EXOC6: variants seen among roughly 807,000 people sequenced by gnomAD.
The protein encoded by EXOC6 is SEC15-like 1.
A neutral mutation model predicts 112.5 loss-of-function variants in EXOC6; 60 were observed. That is an observed-to-expected ratio of 0.53 (90% CI 0.43 to 0.66). The LOEUF (loss-of-function observed/expected upper bound fraction) is 0.66, where lower values mean the gene tolerates loss of function less well. Ranked by LOEUF, EXOC6 falls within the 30% of genes least tolerant of loss-of-function variation. The pLI is 0.00. For synonymous variants in EXOC6, 295 were observed against 308.0 expected (o/e 0.96, Z 0.44); for missense variants, 855 against 957.1 (o/e 0.89, Z 1.41).
upstream of EXOC6, among the ~76,000 whole-genome samples, chr10:92,843,644 C>T (rs1846940123): frequency 6.6e-6 from 1 of 151,668 alleles, no homozygotes; most frequent in Non-Finnish European, 1.5e-5. Context: ...GTCAAGAGAT[C>T]GAGACCATCC....
chr10:92,877,336 T>G (rs1589748135), intron 1 of EXOC6, among the ~76,000 whole-genome samples: 1 of 152,136 alleles, frequency 6.6e-6, no homozygotes, highest in Non-Finnish European at 1.5e-5. Context: ...CTTATGAGTC[T>G]AAGATTTGGA....
intron 20 of EXOC6, among the ~76,000 whole-genome samples, chr10:93,040,523 AG>A (rs1179980227): frequency 2.6e-5 from 4 of 152,248 alleles, no homozygotes; most frequent in African/African-American, 9.6e-5. Context: ...CTGGGATTAC[AG>A]GCGTGAGCCA....
intron 5 of EXOC6, among the ~76,000 whole-genome samples, chr10:92,903,228 AT>A (rs1350881425): frequency 6.6e-6 from 1 of 152,048 alleles, no homozygotes; most frequent in Admixed American, 6.6e-5. Context: ...TAATATAAGA[AT>A]TTCATTTGCT....
intron 20 of EXOC6, among the ~76,000 whole-genome samples, chr10:93,036,537 T>C: frequency 6.6e-6 from 1 of 152,260 alleles, no homozygotes; most frequent in East Asian, 1.9e-4. Context: ...TTTAGTTTTG[T>C]CTATCTATTA....
At chr10:92,915,061 A>C (rs1851004624) in intron 6 of EXOC6, among the ~76,000 whole-genome samples, 1 of 152,192 alleles carries the variant, frequency 6.6e-6, no homozygotes, top group East Asian at 1.9e-4. Flanking sequence ...AGTCTTCACA[A>C]ACTGTGGGCA....
intron 20 of EXOC6, among the ~76,000 whole-genome samples, chr10:93,022,558 C>T (rs1025314515): frequency 7.2e-5 from 11 of 152,136 alleles, no homozygotes; most frequent in African/African-American, 2.6e-4. Flanking sequence ...GCAACTAATT[C>T]CTTAGCTGCT....
chr10:92,924,817 TC>T (rs1851619067), intron 8 of EXOC6, among the ~76,000 whole-genome samples: 1 of 152,272 alleles, frequency 6.6e-6, no homozygotes, highest in South Asian at 2.1e-4. Context: ...GTGATTTTTT[TC>T]ATCCTTCACC....
chr10:92,949,727 G>C (rs146657161), intron 14 of EXOC6, among the ~76,000 whole-genome samples: 2 of 151,954 alleles, frequency 1.3e-5, no homozygotes, highest in African/African-American at 4.8e-5. Context: ...CAAGTAGCTG[G>C]GATTACAGGC....
At chr10:93,014,464 C>T (rs1242761037) in intron 20 of EXOC6, among the ~76,000 whole-genome samples, 197 bp downstream of exon 20, 1 of 152,156 alleles carries the variant, frequency 6.6e-6, no homozygotes, top group Non-Finnish European at 1.5e-5. Flanking sequence ...CTTCATAGAG[C>T]ATTCTCATCA....
At chr10:92,910,449 G>A (rs1332795362) in intron 6 of EXOC6, among the ~76,000 whole-genome samples, 2 of 152,122 alleles carry the variant, frequency 1.3e-5, no homozygotes, top group African/African-American at 2.4e-5. Context: ...CAGAACAGTG[G>A]TTACCTCTGG....
intron 2 of EXOC6, 140 bp downstream of exon 2, chr10:92,893,660 A>G: frequency 1.6e-6 from 1 of 640,424 alleles, no homozygotes; most frequent in South Asian, 2.7e-5. Context: ...AATGCTCTTT[A>G]TGCTCTATTA....
chr10:92,893,349 G>T lies in EXOC6; in HGVS notation c.102G>T (p.Arg34=), dbSNP rs762344356. The change falls in exon 2 of 22, where the codon CGG becomes CGT. Residue 34 remains arginine, a splice_region_variant and synonymous_variant. Transcript: ENST00000260762. ...TDTACVGPTL[R]SVYDDQPNAH... ...TTTTAGCTTTCTTATATACATTCAG[G>T]TCTGTGTATGATGACCAACCAAATG... 1.2e-6 allele frequency: 2 copies of T among 1,602,610 alleles called. No individual in the cohort carries two copies. The highest frequency in any genetic ancestry group is 1.7e-5 in the Admixed American group (1 of 58,348).
At chr10:92,950,622 T>G (rs1034640415) in intron 14 of EXOC6, among the ~76,000 whole-genome samples, 1 of 152,132 alleles carries the variant, frequency 6.6e-6, no homozygotes, top group African/African-American at 2.4e-5. Context: ...AAAGGCTGCA[T>G]AAAGGTCAAA....
At chr10:93,029,080 C>T (rs779997913) in intron 20 of EXOC6, among the ~76,000 whole-genome samples, 3 of 152,106 alleles carry the variant, frequency 2.0e-5, no homozygotes, top group Admixed American at 6.5e-5. Flanking sequence ...AATCACCACC[C>T]GAATGAGTCA....
At chr10:92,932,637 C>T (rs1374169301) in intron 9 of EXOC6, among the ~76,000 whole-genome samples, 2 of 151,390 alleles carry the variant, frequency 1.3e-5, no homozygotes, top group Non-Finnish European at 1.5e-5. Context: ...CAAAGAAGAG[C>T]AGAGTTGGCC....
At position 92,940,877 on chromosome 10, in the gene EXOC6, A is replaced by G. The variant is rs1196517025; in HGVS notation, c.1310+53A>G. The G allele has an allele frequency of 1.0e-5, 12 of 1,162,056 alleles. No individual in the cohort carries two copies. The African/African-American group carries it at 1.7e-4, about 16-fold the overall frequency. 72.0% of individuals were successfully genotyped at this position (1,162,056 alleles called of 1,614,324 possible). On this transcript the variant is annotated intron_variant, in intron 13 of 21. Transcript: ENST00000260762. Reference sequence around the variant, plus strand: ...TAATGAATATGTTTGTCAAATGCTCAAGTGGTTCATTTGCATATATTAATA... The same window carrying G: ...TAATGAATATGTTTGTCAAATGCTCGAGTGGTTCATTTGCATATATTAATA...
chr10:92,870,859 G>A (rs922565285), intron 1 of EXOC6, among the ~76,000 whole-genome samples: 2 of 151,860 alleles, frequency 1.3e-5, no homozygotes, highest in African/African-American at 2.4e-5. Flanking sequence ...ACAGGCATGC[G>A]CCACCACGCC....
At chr10:92,887,805 C>T (rs897325517) in intron 1 of EXOC6, among the ~76,000 whole-genome samples, 1 of 152,134 alleles carries the variant, frequency 6.6e-6, no homozygotes, top group African/African-American at 2.4e-5. Context: ...TTTCTAGGGC[C>T]AGCATTCTAT....
intron 9 of EXOC6, among the ~76,000 whole-genome samples, chr10:92,930,362 G>A (rs957659479): frequency 1.3e-5 from 2 of 152,106 alleles, no homozygotes; most frequent in African/African-American, 4.8e-5. Context: ...AATTAGCCAG[G>A]CATAGTGGCG....
Sources: gnomAD v4.1 joint callset for allele counts (sites outside exome capture counted in the v4.1 genomes callset) on GRCh38, gnomAD v4.1.1 for gene constraint, MANE v1.5 for transcripts, NCBI Gene and HGNC (gene_info 2026-07-23, HGNC 2026-07-21) for gene names.